The following PUS3 variants were observed in gnomAD, a reference collection of about 807,000 sequenced individuals.
PUS3 encodes the protein tRNA pseudouridine(38/39) synthase.
PUS3 carries 36 observed loss-of-function variants against 43.3 expected under a neutral mutation model. The observed-to-expected ratio is 0.83, with a 90% CI of 0.64 to 1.10. PUS3 has a LOEUF of 1.10. Among genes scored for constraint, PUS3 ranks in the 50% least tolerant of loss-of-function variants. The pLI is 0.00. For missense variants in PUS3, 544 were observed against 589.9 expected, an observed-to-expected ratio of 0.92 and a Z score of 0.81; for synonymous variants, 183 against 199.2, an observed-to-expected ratio of 0.92 and a Z score of 0.69.
intron 1 of PUS3, among the ~76,000 whole-genome samples, chr11:125,898,444 G>A (rs1173816929): frequency 1.3e-5 from 2 of 152,200 alleles, no homozygotes; most frequent in East Asian, 3.8e-4. Flanking sequence ...GGAGGCCGAG[G>A]CGGGTGGGTT....
rs750764188 is a variant in PUS3, at chr11:125,895,237, T to G, written c.931A>C (p.Lys311Gln). ...TTTTTAACTCACCTATATTGAGGCT[T>G]TTGGGGATTTTTCTCTATATTCAGC... Reference protein sequence around the residue: ...ELLNIEKNPQKPQYSMAVEFP... With the variant: ...ELLNIEKNPQQPQYSMAVEFP... The change falls in exon 3 of 4, where the codon AAG becomes CAG. Residue 311 changes from lysine (K) to glutamine (Q), a missense_variant. Transcript: ENST00000227474. 1.6e-5 allele frequency: 25 copies of G among 1,587,228 alleles called. No individual in the cohort carries two copies. The highest frequency in any genetic ancestry group is 2.1e-5 in the Non-Finnish European group (24 of 1,169,926).
Position 125,895,963 on chromosome 11 carries a change from T to C in PUS3, c.322A>G (p.Thr108Ala). 1.9e-6 allele frequency: 3 copies of C among 1,614,152 alleles called. No homozygotes were observed. The highest frequency in any genetic ancestry group is 2.5e-6 in the Non-Finnish European group (3 of 1,180,036). Residue 108 changes from threonine to alanine, a missense_variant, in exon 2 of 4, where the codon ACA becomes GCA. Transcript: ENST00000227474. Reference protein sequence around the residue: ...TKTRLVESRQTSNYHRCGRTD... With the variant: ...TKTRLVESRQASNYHRCGRTD... ...CTCCCACATCGGTGATAGTTGGATG[T>C]CTGTCTGCTTTCTACTAGTCGAGTC...
intron 1 of PUS3, among the ~76,000 whole-genome samples, chr11:125,901,439 C>G (rs1410636608): frequency 1.3e-5 from 2 of 152,294 alleles, no homozygotes; most frequent in African/African-American, 4.8e-5. Flanking sequence ...TGTAATTTAT[C>G]TGTTCTTGAT....
chr11:125,894,238 A>G lies in PUS3; in HGVS notation c.993T>C (p.Asn331=). The G allele has an allele frequency of 6.2e-7, 1 of 1,613,172 alleles. No homozygotes were observed. The highest frequency in any genetic ancestry group is 8.5e-7 in the Non-Finnish European group (1 of 1,179,154). The stretch of plus-strand genomic sequence containing the variant: ...CCTCCTGGTCATAGATCCACTTGAC[A>G]TTTTCAAACTTACAGTCATATAAGA... ...PLVLYDCKFE[N]VKWIYDQEAQ... Residue 331 remains asparagine, a synonymous_variant, in exon 4 of 4, where the codon AAT becomes AAC. Coordinates refer to ENST00000227474, the MANE Select transcript of PUS3 (RefSeq NM_031307.4).
intron 1 of PUS3, among the ~76,000 whole-genome samples, chr11:125,898,017 C>T (rs530828348): frequency 1.3e-5 from 2 of 152,186 alleles, no homozygotes; most frequent in East Asian, 1.9e-4. Flanking sequence ...TGAAGAATGT[C>T]GGCCTGTGCT....
chr11:125,900,562 T>C, intron 1 of PUS3: 1 of 402,946 alleles, frequency 2.5e-6, no homozygotes, highest in Non-Finnish European at 4.8e-6. Flanking sequence ...TTTTTTTACC[T>C]ATCAATATGA....
At chr11:125,899,732 A>C in intron 1 of PUS3, 2 of 1,614,248 alleles carry the variant, frequency 1.2e-6, no homozygotes, top group East Asian at 4.5e-5. Context: ...AGAATCTGGT[A>C]CAGAAAATGA....
At chr11:125,903,015 G>T (rs1944819364) in intron 1 of PUS3, among the ~76,000 whole-genome samples, 155 bp downstream of exon 1, 1 of 152,070 alleles carries the variant, frequency 6.6e-6, no homozygotes, top group Non-Finnish European at 1.5e-5. Context: ...TCTTAAGCGA[G>T]GTCTCATTTC....
intron 3 of PUS3, 124 bp downstream of exon 3, chr11:125,895,100 G>A: frequency 1.6e-6 from 1 of 614,644 alleles, no homozygotes; most frequent in South Asian, 2.7e-5. Context: ...ATGCTGGAAT[G>A]CAGTGGTCCA....
In PUS3 at chr11:125,896,224, G is replaced by T; in HGVS notation, c.61C>A (p.Leu21Met). ...TEKLLKRVRE[L>M]EQEVQRLKKE... ...TTAAGTCTTTGCACCTCTTGCTCCAGTTCTCGTACTCTTTTTAGGAGCTTC... is the reference window on the plus strand; with the variant it reads ...TTAAGTCTTTGCACCTCTTGCTCCATTTCTCGTACTCTTTTTAGGAGCTTC... The change falls in exon 2 of 4, where the codon CTG becomes ATG. Residue 21 changes from leucine to methionine, a missense_variant. Physicochemically the swap from Leu to Met is conservative, Grantham distance 15. Coordinates refer to ENST00000227474, the MANE Select transcript of PUS3 (RefSeq NM_031307.4). The T allele has an allele frequency of 1.2e-6, 2 of 1,614,028 alleles. No individual in the cohort carries two copies. Among genetic ancestry groups the T allele is most frequent in the South Asian group, 2.2e-5 (2 of 91,074 alleles).
chr11:125,900,376 G>T lies in PUS3; in HGVS notation c.-47+2794C>A, dbSNP rs1239117563. On this transcript the variant is annotated intron_variant, in intron 1 of 3. Transcript: ENST00000227474. The stretch of plus-strand genomic sequence containing the variant: ...GAGAAGCTCTTCGAAACATTTTATG[G>T]TAAGGACTTCACCTATCATTGGTCT... The T allele has an allele frequency of 1.4e-5, 15 of 1,043,104 alleles. No individual in the cohort carries two copies. In the East Asian group the frequency reaches 3.7e-4, roughly 26 times the overall value. The allele number at this position is 1,043,104 out of a possible 1,614,324, so 64.6% of individuals were successfully genotyped here.
intron 1 of PUS3, chr11:125,900,929 G>C (rs1402994646): frequency 6.6e-6 from 1 of 151,002 alleles, no homozygotes; most frequent in Non-Finnish European, 1.5e-5. Flanking sequence ...AGAATGGCGT[G>C]AACCCCAGGG....
At chr11:125,901,951 A>G (rs1295270309) in intron 1 of PUS3, among the ~76,000 whole-genome samples, 1 of 152,208 alleles carries the variant, frequency 6.6e-6, no homozygotes, top group Non-Finnish European at 1.5e-5. Context: ...TCGACTTTTT[A>G]TGAGGTCAAA....
chr11:125,900,193 C>T lies in PUS3; in HGVS notation c.-47+2977G>A, dbSNP rs1377994720. ...CAACAGAGAAGAAAAGGTCTGCACT[C>T]CGTTGGGGTGTTCGTTGTGACCTTG... is the stretch of plus-strand genomic sequence containing the variant. On this transcript the variant is annotated intron_variant, in intron 1 of 3. Coordinates refer to ENST00000227474, the MANE Select transcript of PUS3 (RefSeq NM_031307.4). 24 of 1,614,050 alleles carry T rather than the reference C, an allele frequency of 1.5e-5. No individual in the cohort carries two copies. Among genetic ancestry groups the T allele is most frequent in the East Asian group, 2.2e-5 (1 of 44,898 alleles).
At chr11:125,895,814 G>T in intron 2 of PUS3, 25 bp from the exon 3 acceptor site, 1 of 1,581,056 alleles carries the variant, frequency 6.3e-7, no homozygotes, top group Non-Finnish European at 8.6e-7. Flanking sequence ...AAAGATACTG[G>T]GTTTTAGAGA....
rs750923031 is a variant in PUS3 at position 125,896,212 on chromosome 11, C to A, written c.73G>T (p.Val25Leu). 6.2e-7 allele frequency: 1 copy of A among 1,614,116 alleles called. No homozygotes were observed. ...GCCTGTTCCTTTTTAAGTCTTTGCA[C>A]CTCTTGCTCCAGTTCTCGTACTCTT... is the stretch of plus-strand genomic sequence containing the variant. ...LKRVRELEQE[V>L]QRLKKEQAKN... Residue 25 changes from valine to leucine, a missense_variant, in exon 2 of 4, where the codon GTG (valine) becomes TTG (leucine). Val to Leu is a conservative substitution (Grantham distance 32, BLOSUM62 1). Transcript: ENST00000227474.
chr11:125,900,172 AGAG>A, intron 1 of PUS3: 1 of 1,614,220 alleles, frequency 6.2e-7, no homozygotes, highest in South Asian at 1.1e-5. Context: ...TAGTACCAAC[AGAG>A]AAGAAAAGGT....
chr11:125,897,992 C>T (rs1023503577), intron 1 of PUS3, among the ~76,000 whole-genome samples: 1 of 152,120 alleles, frequency 6.6e-6, no homozygotes, highest in Admixed American at 6.6e-5. Context: ...CATTGGAATT[C>T]CGCGCAACAT....
Position 125,895,755 on chromosome 11 carries a change from C to T in PUS3, c.413G>A (p.Arg138Lys), listed in dbSNP as rs1449132102. 3 of 1,607,376 alleles carry T rather than the reference C, an allele frequency of 1.9e-6. No individual in the cohort carries two copies. The highest frequency in any genetic ancestry group is 2.5e-6 in the Non-Finnish European group (3 of 1,178,380). ...ATTAAAGTCCTCGGAATCCCTGCCC[C>T]TTGGAAACTGAGAGCGAAGGTCAAG... ...ISLDLRSQFP[R>K]GRDSEDFNVK... The change falls in exon 3 of 4, where the codon AGG becomes AAG. Residue 138 changes from arginine to lysine, a missense_variant. Physicochemically the swap from Arg to Lys is conservative, Grantham distance 26. Coordinates refer to ENST00000227474, the MANE Select transcript of PUS3 (RefSeq NM_031307.4).
Sources: gnomAD v4.1 joint callset for allele counts (sites outside exome capture counted in the v4.1 genomes callset) on GRCh38, gnomAD v4.1.1 for gene constraint, MANE v1.5 for transcripts, NCBI Gene and HGNC (gene_info 2026-07-23, HGNC 2026-07-21) for gene names.